EPB41: variants seen among roughly 807,000 people sequenced by gnomAD.
EPB41 encodes erythrocyte membrane protein band 4.1.
EPB41 carries 65 observed loss-of-function variants against 108.0 expected under a neutral mutation model. That is an observed-to-expected ratio of 0.60 (90% CI 0.49 to 0.74). EPB41 has a LOEUF of 0.74. EPB41 is among the 30% of genes least tolerant of loss of function. EPB41 has a pLI of 0.00. For synonymous variants in EPB41, 336 were observed against 358.9 expected, an observed-to-expected ratio of 0.94 and a Z score of 0.72; for missense variants, 875 against 1,037.0, an observed-to-expected ratio of 0.84 and a Z score of 2.15.
At chr1:28,934,781 G>C (rs2093923575) in intron 1 of EPB41, among the ~76,000 whole-genome samples, 1 of 151,358 alleles carries the variant, frequency 6.6e-6, no homozygotes, top group African/African-American at 2.4e-5. Flanking sequence ...CCGGCTCCTA[G>C]AATCAGTCAT....
chr1:28,923,116 T>G (rs986118777), intron 1 of EPB41, among the ~76,000 whole-genome samples: 3 of 142,294 alleles, frequency 2.1e-5, no homozygotes, highest in Non-Finnish European at 4.6e-5. Context: ...CTTTTCTTTT[T>G]TTTTTTTTTT....
At chr1:28,970,922 A>G (rs1380366538) in intron 1 of EPB41, among the ~76,000 whole-genome samples, 3 of 152,036 alleles carry the variant, frequency 2.0e-5, no homozygotes, top group African/African-American at 7.2e-5. Context: ...ATCTCGGCTC[A>G]CTGCAGCCTC....
At chr1:28,910,436 T>C (rs536949516), upstream of EPB41, among the ~76,000 whole-genome samples, 6 of 152,344 alleles carry the variant, frequency 3.9e-5, no homozygotes, top group East Asian at 1.2e-3. Flanking sequence ...GAACACTTTG[T>C]TGGTGGGCCC....
intron 2 of EPB41, among the ~76,000 whole-genome samples, chr1:28,989,806 G>A (rs1030682512): frequency 6.6e-6 from 1 of 152,058 alleles, no homozygotes; most frequent in African/African-American, 2.4e-5. Flanking sequence ...GGGATTGAAA[G>A]GATTAAAAGA....
chr1:29,086,022 G>A (rs1395015423), intron 16 of EPB41, among the ~76,000 whole-genome samples: 1 of 152,048 alleles, frequency 6.6e-6, no homozygotes, highest in Non-Finnish European at 1.5e-5. Flanking sequence ...TTTTTAAAAG[G>A]CTTGGAAGAT....
At chr1:28,911,593 C>T (rs1379727088), upstream of EPB41, among the ~76,000 whole-genome samples, 3 of 152,158 alleles carry the variant, frequency 2.0e-5, no homozygotes, top group South Asian at 2.1e-4. Context: ...AGATGGTAAA[C>T]CACTGGTAAT....
At chr1:29,023,378 G>A (rs1290345295) in intron 7 of EPB41, among the ~76,000 whole-genome samples, 1 of 151,746 alleles carries the variant, frequency 6.6e-6, no homozygotes, top group Non-Finnish European at 1.5e-5. Flanking sequence ...AATACAAATA[G>A]CTATAAGCCA....
At chr1:29,055,413 CTT>C (rs1645186510) in intron 12 of EPB41, among the ~76,000 whole-genome samples, 1 of 152,088 alleles carries the variant, frequency 6.6e-6, no homozygotes, top group African/African-American at 2.4e-5. Flanking sequence ...ACATAAATAC[CTT>C]CAACAATAGG....
At chr1:29,024,206 G>A (rs562200302) in intron 7 of EPB41, among the ~76,000 whole-genome samples, 64 of 151,762 alleles carry the variant, frequency 4.2e-4, no homozygotes, top group African/African-American at 1.4e-3. Flanking sequence ...ATGGTGGCGC[G>A]CACCTGTAGT....
chr1:29,013,265 CA>C (rs1210714241), intron 5 of EPB41, among the ~76,000 whole-genome samples: 3 of 150,234 alleles, frequency 2.0e-5, no homozygotes, highest in African/African-American at 7.4e-5. Flanking sequence ...TCGGAGGTGG[CA>C]GTGAGCCGAG....
intron 9 of EPB41, among the ~76,000 whole-genome samples, chr1:29,035,328 C>T (rs961655239): frequency 6.6e-6 from 1 of 152,066 alleles, no homozygotes; most frequent in African/African-American, 2.4e-5. Context: ...TAAGTATGTA[C>T]AATTTTTATT....
At chr1:29,070,182 C>T (rs529826602) in intron 16 of EPB41, 16 of 408,468 alleles carry the variant, frequency 3.9e-5, no homozygotes, top group South Asian at 2.7e-4. Context: ...TATTGAGCAC[C>T]CTATTGTGTT....
intron 1 of EPB41, among the ~76,000 whole-genome samples, chr1:28,892,910 T>G (rs1343737200): frequency 6.6e-6 from 1 of 150,810 alleles, no homozygotes; most frequent in Non-Finnish European, 1.5e-5. Flanking sequence ...TTCAAGCAAT[T>G]CTTGTGCCTT....
At chr1:28,977,683 T>C (rs1050558923) in intron 1 of EPB41, among the ~76,000 whole-genome samples, 1 of 152,228 alleles carries the variant, frequency 6.6e-6, no homozygotes, top group Non-Finnish European at 1.5e-5. Context: ...AGCTTGTTTG[T>C]AGAGCATTTA....
At chr1:29,070,532 A>G (rs543220552) in intron 16 of EPB41, 95 of 1,232,144 alleles carry the variant, frequency 7.7e-5, no homozygotes, top group South Asian at 4.1e-4. Flanking sequence ...CTACTTTAGT[A>G]CTTTTCCATC....
intron 1 of EPB41, among the ~76,000 whole-genome samples, chr1:28,894,168 C>T (rs1026534384): frequency 6.6e-6 from 1 of 152,152 alleles, no homozygotes; most frequent in Non-Finnish European, 1.5e-5. Flanking sequence ...TTATGGGACA[C>T]AAGTATATTT....
intron 16 of EPB41, chr1:29,097,137 T>A (rs1225307133): frequency 1.3e-5 from 2 of 154,380 alleles, no homozygotes; most frequent in Non-Finnish European, 2.9e-5. Context: ...CTTATTACAA[T>A]CAAATGGTAG....
chr1:28,981,450 A>T lies in EPB41; in HGVS notation c.-7-5981A>T, dbSNP rs1571877420. ...AAGCAGCTATTCGTGGTGATGTAAG[A>T]CTTCAAAATATAAATGATTGTGAAA... On this transcript the variant is annotated intron_variant, in intron 1 of 20. Coordinates refer to ENST00000343067, the MANE Select transcript of EPB41 (RefSeq NM_001376013.1). 3.3e-5 allele frequency among the ~76,000 whole-genome samples: 5 copies of T among 152,342 alleles called. No individual in the cohort carries two copies. The South Asian group carries it at 1.0e-3, about 32-fold the overall frequency.
At chr1:28,974,667 C>G (rs2095561762) in intron 1 of EPB41, among the ~76,000 whole-genome samples, 1 of 152,120 alleles carries the variant, frequency 6.6e-6, no homozygotes, top group Admixed American at 6.6e-5. Context: ...CTTTGAGATA[C>G]TGGATGGTAT....
Sources: gnomAD v4.1 joint callset for allele counts (sites outside exome capture counted in the v4.1 genomes callset) on GRCh38, gnomAD v4.1.1 for gene constraint, MANE v1.5 for transcripts, NCBI Gene and HGNC (gene_info 2026-07-23, HGNC 2026-07-21) for gene names.